The following RBFOX1 variants were observed in gnomAD, a reference collection of about 807,000 sequenced individuals.
RBFOX1 encodes the protein RNA binding fox-1 homolog 1.
Under a neutral mutation model 57.7 loss-of-function variants are expected in RBFOX1, and 8 were observed. The observed-to-expected ratio is 0.14, with a 90% CI of 0.08 to 0.25. The LOEUF (loss-of-function observed/expected upper bound fraction) is 0.25. Ranked by LOEUF, RBFOX1 falls within the 10% of genes least tolerant of loss-of-function variation. The pLI, the probability that RBFOX1 is intolerant of heterozygous loss-of-function variation, is 1.00. For synonymous variants in RBFOX1, 326 were observed against 222.4 expected (o/e 1.47, Z -4.15); for missense variants, 611 against 548.5 (o/e 1.11, Z -1.14).
intron 1 of RBFOX1, among the ~76,000 whole-genome samples, chr16:6,131,809 C>T (rs1184760088): frequency 1.3e-5 from 2 of 152,126 alleles, no homozygotes; most frequent in African/African-American, 2.4e-5. Flanking sequence ...TGGAGAGGCT[C>T]ACATGTGCTG....
intron 3 of RBFOX1, among the ~76,000 whole-genome samples, chr16:6,882,025 A>G (rs1230690918): frequency 6.6e-6 from 1 of 152,210 alleles, no homozygotes; most frequent in African/African-American, 2.4e-5. Flanking sequence ...CAAAGACTCT[A>G]GACTTCATTT....
At chr16:7,120,483 G>T (rs934782121) in intron 4 of RBFOX1, among the ~76,000 whole-genome samples, 6 of 151,790 alleles carry the variant, frequency 4.0e-5, no homozygotes, top group Non-Finnish European at 8.8e-5. Flanking sequence ...AAATTAAAAA[G>T]ATTATAAGGA....
At chr16:5,532,808 G>A (rs2044540716) in intron 2 of RBFOX1, among the ~76,000 whole-genome samples, 1 of 152,184 alleles carries the variant, frequency 6.6e-6, no homozygotes, top group Non-Finnish European at 1.5e-5. Flanking sequence ...TTGTGAGGCA[G>A]AGAGAAATAG....
chr16:5,484,457 C>T (rs2069655599), intron 2 of RBFOX1, among the ~76,000 whole-genome samples: 1 of 152,218 alleles, frequency 6.6e-6, no homozygotes, highest in South Asian at 2.1e-4. Context: ...AAGTGACACC[C>T]CATTCCCTCT....
chr16:5,996,579 G>A (rs1485258861), intron 4 of RBFOX1, among the ~76,000 whole-genome samples: 3 of 152,004 alleles, frequency 2.0e-5, no homozygotes, highest in Non-Finnish European at 4.4e-5. Flanking sequence ...TGCAAAACAT[G>A]GACAGGGAAT....
chr16:6,236,972 A>G (rs1035519929), intron 1 of RBFOX1, among the ~76,000 whole-genome samples: 10 of 152,194 alleles, frequency 6.6e-5, no homozygotes, highest in African/African-American at 2.4e-4. Context: ...TGTAGGTCAC[A>G]ATATTCTATT....
intron 2 of RBFOX1, among the ~76,000 whole-genome samples, chr16:6,542,324 C>A (rs2215925): frequency 0.39 from 59,582 of 151,476 alleles, 13,411 homozygotes; most frequent in Non-Finnish European, 0.51. Context: ...TAGCACCTCA[C>A]ACAGGGCTGG....
At chr16:5,384,553 A>T (rs2066209217) in intron 1 of RBFOX1, among the ~76,000 whole-genome samples, 1 of 152,194 alleles carries the variant, frequency 6.6e-6, no homozygotes, top group South Asian at 2.1e-4. Context: ...GGTAGAGCAT[A>T]TTAAGAGCCT....
chr16:7,253,253 G>A (rs1342264602), intron 4 of RBFOX1, among the ~76,000 whole-genome samples: 1 of 152,106 alleles, frequency 6.6e-6, no homozygotes, highest in Non-Finnish European at 1.5e-5. Context: ...TATTCTCCTG[G>A]GGGTCAAATC....
chr16:6,483,368 G>A (rs2095405986), intron 2 of RBFOX1: 1 of 1,507,748 alleles, frequency 6.6e-7, no homozygotes, highest in Admixed American at 2.0e-5. Context: ...GCGAGCGAAG[G>A]CGCGCGGCGC....
intron 4 of RBFOX1, among the ~76,000 whole-genome samples, chr16:7,460,639 G>T (rs987645897): frequency 2.0e-5 from 3 of 151,270 alleles, no homozygotes; most frequent in African/African-American, 7.3e-5. Flanking sequence ...TCTGAGTGAT[G>T]AAATAATCTG....
intron 1 of RBFOX1, among the ~76,000 whole-genome samples, chr16:6,183,675 A>C (rs1249284989): frequency 6.6e-6 from 1 of 152,078 alleles, no homozygotes; most frequent in African/African-American, 2.4e-5. Flanking sequence ...GAAGATCAGA[A>C]AGAAGGAACG....
intron 3 of RBFOX1, among the ~76,000 whole-genome samples, chr16:6,967,698 C>T (rs187771887): frequency 9.9e-5 from 15 of 152,100 alleles, no homozygotes; most frequent in Admixed American, 2.0e-4. Context: ...ACATTGAACA[C>T]GGTAGGTCCT....
At chr16:5,606,761 G>A (rs1172452697) in intron 3 of RBFOX1, among the ~76,000 whole-genome samples, 1 of 152,126 alleles carries the variant, frequency 6.6e-6, no homozygotes, top group Non-Finnish European at 1.5e-5. Context: ...GTGATACATA[G>A]AGTCTTGAAG....
At chr16:6,842,824 C>T (rs1434336430) in intron 3 of RBFOX1, among the ~76,000 whole-genome samples, 1 of 151,902 alleles carries the variant, frequency 6.6e-6, no homozygotes, top group Non-Finnish European at 1.5e-5. Flanking sequence ...CTCCATGTTC[C>T]CCCAACCCCC....
intron 2 of RBFOX1, among the ~76,000 whole-genome samples, chr16:6,493,651 C>G (rs972666863): frequency 6.6e-6 from 1 of 152,148 alleles, no homozygotes; most frequent in Admixed American, 6.5e-5. Context: ...TATAGCCTTT[C>G]AATTTGCTGT....
chr16:7,027,829 G>A (rs566404944), intron 3 of RBFOX1, among the ~76,000 whole-genome samples: 2 of 151,746 alleles, frequency 1.3e-5, no homozygotes, highest in South Asian at 2.1e-4. Flanking sequence ...AGGGAAGGAA[G>A]GTGGAGGAGG....
intron 3 of RBFOX1, among the ~76,000 whole-genome samples, chr16:5,692,941 A>G (rs1416306439): frequency 6.6e-6 from 1 of 152,222 alleles, no homozygotes; most frequent in East Asian, 1.9e-4. Context: ...ACATTCTGAG[A>G]CAGAAGCATT....
chr16:6,658,266 C>G (rs1045868456), intron 3 of RBFOX1, among the ~76,000 whole-genome samples: 1 of 150,884 alleles, frequency 6.6e-6, no homozygotes, highest in Non-Finnish European at 1.5e-5. Flanking sequence ...TTAACAGTCT[C>G]CCTCTGTCTC....
Sources: allele counts gnomAD v4.1 joint callset (sites outside exome capture counted in the v4.1 genomes callset), GRCh38; gene constraint gnomAD v4.1.1; transcripts MANE v1.5; gene names NCBI Gene and HGNC (gene_info 2026-07-23, HGNC 2026-07-21).